GPAT4: variants seen among roughly 807,000 people sequenced by gnomAD.
The protein encoded by GPAT4 is glycerol-3-phosphate acyltransferase 4, also known as 1-AGP acyltransferase 6.
Under a neutral mutation model 58.0 loss-of-function variants are expected in GPAT4, and 17 were observed. That is an observed-to-expected ratio of 0.29 (90% CI 0.20 to 0.44). The LOEUF is 0.44. GPAT4 is among the 20% of genes least tolerant of loss of function. The pLI is 1.00. For synonymous variants in GPAT4, 204 were observed against 210.1 expected (o/e 0.97, Z 0.25); for missense variants, 377 against 574.5 (o/e 0.66, Z 3.51).
intron 1 of GPAT4, among the ~76,000 whole-genome samples, chr8:41,586,455 G>C (rs576305333): frequency 1.3e-5 from 2 of 152,270 alleles, no homozygotes; most frequent in East Asian, 3.9e-4. Flanking sequence ...GAGGTACATG[G>C]TAACTTTGTT....
chr8:41,582,965 G>A (rs1802562613), intron 1 of GPAT4, among the ~76,000 whole-genome samples: 1 of 152,094 alleles, frequency 6.6e-6, no homozygotes, highest in African/African-American at 2.4e-5. Context: ...GCTCATGCCT[G>A]TAACCCTAGC....
intron 2 of GPAT4, among the ~76,000 whole-genome samples, chr8:41,606,045 G>A (rs115453003): frequency 5.6e-4 from 86 of 152,314 alleles, no homozygotes; most frequent in African/African-American, 1.8e-3. Context: ...AGGGCTTGCC[G>A]TATCTTGCCC....
chr8:41,580,662 G>C (rs943875503), intron 1 of GPAT4, among the ~76,000 whole-genome samples: 12 of 152,192 alleles, frequency 7.9e-5, no homozygotes, highest in African/African-American at 2.9e-4. Context: ...TGACATAGTT[G>C]TCAACTTACT....
chr8:41,610,443 A>G, intron 4 of GPAT4: 1 of 1,288,462 alleles, frequency 7.8e-7, no homozygotes, highest in Non-Finnish European at 9.9e-7. Context: ...GGCAGCAGGG[A>G]GCAGCCCTGT....
In GPAT4 at chr8:41,586,722, T is replaced by C. The variant is rs575041659; in HGVS notation, c.-849+8444T>C. ...TTCTAGAGCCTCACCACCTCTCTTA[T>C]GAATGTGATCCCCCTCCTTTTTTTA... On this transcript the variant is annotated intron_variant, in intron 1 of 12. Coordinates refer to ENST00000396987, the MANE Select transcript of GPAT4 (RefSeq NM_178819.4). Among the ~76,000 whole-genome samples, 5 of 152,288 alleles carry C rather than the reference T, an allele frequency of 3.3e-5. No homozygotes were observed. The South Asian group carries it at 1.0e-3, about 32-fold the overall frequency.
At chr8:41,615,920 T>C (rs1253001080) in intron 10 of GPAT4, among the ~76,000 whole-genome samples, 1 of 152,238 alleles carries the variant, frequency 6.6e-6, no homozygotes, top group Non-Finnish European at 1.5e-5. Flanking sequence ...GTGAGGCCGA[T>C]GCTCACCAGC....
At chr8:41,582,136 TG>T (rs1802532163) in intron 1 of GPAT4, among the ~76,000 whole-genome samples, 1 of 150,766 alleles carries the variant, frequency 6.6e-6, no homozygotes, top group East Asian at 2.0e-4. Flanking sequence ...CCCAAGTAGC[TG>T]GGATTACAGG....
At chr8:41,602,787 A>G (rs377074053) in intron 2 of GPAT4, among the ~76,000 whole-genome samples, 1 of 152,224 alleles carries the variant, frequency 6.6e-6, no homozygotes, top group African/African-American at 2.4e-5. Flanking sequence ...TTTAGTTTTT[A>G]CATTTCTGGA....
intron 1 of GPAT4, among the ~76,000 whole-genome samples, chr8:41,588,461 CTT>C (rs1802709516): frequency 1.3e-5 from 2 of 152,072 alleles, no homozygotes; most frequent in African/African-American, 2.4e-5. Flanking sequence ...CTGTTCTGTT[CTT>C]TTTTCTTTTC....
At chr8:41,614,884 T>A in intron 9 of GPAT4, 79 bp from the exon 10 acceptor site, 1 of 1,180,878 alleles carries the variant, frequency 8.5e-7, no homozygotes, top group South Asian at 1.3e-5. Context: ...TTGACTATTA[T>A]ACTTAGTCTT....
chr8:41,579,700 T>G (rs1802460086), intron 1 of GPAT4, among the ~76,000 whole-genome samples: 1 of 152,008 alleles, frequency 6.6e-6, no homozygotes, highest in African/African-American at 2.4e-5. Flanking sequence ...TAGCCGGACG[T>G]GGTGGCAAGT....
chr8:41,601,710 A>G (rs1002166304), intron 2 of GPAT4, among the ~76,000 whole-genome samples: 15 of 152,270 alleles, frequency 9.9e-5, no homozygotes, highest in African/African-American at 3.6e-4. Flanking sequence ...CCTAGAATCC[A>G]TGTATATTCC....
At chr8:41,600,715 A>C (rs1803064785) in intron 2 of GPAT4, among the ~76,000 whole-genome samples, 1 of 152,066 alleles carries the variant, frequency 6.6e-6, no homozygotes, top group South Asian at 2.1e-4. Flanking sequence ...CAACATTTTC[A>C]TCAGTCCAAA....
Position 41,614,391 on chromosome 8 carries a change from C to G in GPAT4, c.917C>G (p.Thr306Ser). Residue 306 changes from threonine (T) to serine (S), a missense_variant, in exon 9 of 13, where the codon ACT becomes AGT. By Grantham distance (58) the Thr-to-Ser change is moderately conservative (BLOSUM62 1). Transcript: ENST00000396987. Reference protein sequence around the residue: ...KDRHLVAKRLTEHVQDKSKLP... With the variant: ...KDRHLVAKRLSEHVQDKSKLP... ...TTTATTTTCTTCTTTGAAAGACTGACTGAACATGTGCAAGATAAAAGCAAG... is the reference window on the plus strand; with the variant it reads ...TTTATTTTCTTCTTTGAAAGACTGAGTGAACATGTGCAAGATAAAAGCAAG... The G allele has an allele frequency of 1.9e-6, 3 of 1,613,870 alleles. No homozygotes were observed. The highest frequency in any genetic ancestry group is 2.5e-6 in the Non-Finnish European group (3 of 1,179,920).
intron 4 of GPAT4, chr8:41,610,409 G>A (rs1172923591): frequency 8.0e-7 from 1 of 1,247,196 alleles, no homozygotes; most frequent in Non-Finnish European, 1.0e-6. Context: ...TTCCACCGGG[G>A]TTTCCAGCCA....
At chr8:41,582,444 T>TACACACACACACACACACACAC (rs71548104) in intron 1 of GPAT4, among the ~76,000 whole-genome samples, 1 of 141,614 alleles carries the variant, frequency 7.1e-6, no homozygotes, top group African/African-American at 2.6e-5. Flanking sequence ...TGGGAAAGTA[T>TACACACACACACACACACACAC]ACACACACAC....
rs1196273900 is a variant in GPAT4, at chr8:41,622,740, C to G, written c.*1739C>G. 6.6e-6 allele frequency: 1 copy of G among 152,258 alleles called. No homozygotes were observed. Among genetic ancestry groups the G allele is most frequent in the Non-Finnish European group, 1.5e-5 (1 of 68,074 alleles). 9.4% of individuals were successfully genotyped at this position (152,258 alleles called of 1,614,324 possible). ...ACCTGTGACCTCCCTGGGAGAGCCT[C>G]CCATTTCCTCACCTGCCCTGTTGCC... On this transcript the variant is annotated 3_prime_UTR_variant, in exon 13 of 13. Coordinates refer to ENST00000396987, the MANE Select transcript of GPAT4 (RefSeq NM_178819.4).
At chr8:41,593,839 TGTG>T (rs769824869) in intron 1 of GPAT4, among the ~76,000 whole-genome samples, 1 of 152,244 alleles carries the variant, frequency 6.6e-6, no homozygotes, top group Non-Finnish European at 1.5e-5. Flanking sequence ...TTGTTTTAAA[TGTG>T]GGGACATCAG....
intron 2 of GPAT4, 83 bp from the exon 3 acceptor site, chr8:41,609,333 T>C: frequency 1.4e-6 from 2 of 1,417,166 alleles, no homozygotes; most frequent in Middle Eastern, 1.7e-4. Context: ...GACTGAGGCT[T>C]TCACAGAATA....
Sources: gnomAD v4.1 joint callset for allele counts (sites outside exome capture counted in the v4.1 genomes callset) on GRCh38, gnomAD v4.1.1 for gene constraint, MANE v1.5 for transcripts, NCBI Gene and HGNC (gene_info 2026-07-23, HGNC 2026-07-21) for gene names.